TSPAN18: variants seen among roughly 807,000 people sequenced by gnomAD.
The protein encoded by TSPAN18 is tetraspanin 18, also known as tetraspanin-18.
TSPAN18 carries 14 observed loss-of-function variants against 27.3 expected under a neutral mutation model. That is an observed-to-expected ratio of 0.51 (90% CI 0.34 to 0.80). The LOEUF is 0.80. TSPAN18 is among the 30% of genes least tolerant of loss of function. The pLI is 0.01. For missense variants in TSPAN18, 268 were observed against 323.9 expected, an observed-to-expected ratio of 0.83 and a Z score of 1.32; for synonymous variants, 143 against 136.5, an observed-to-expected ratio of 1.05 and a Z score of -0.33.
chr11:44,734,472 A>G (rs10838348), intron 1 of TSPAN18, among the ~76,000 whole-genome samples: 102,446 of 152,196 alleles, frequency 0.67, 37,502 homozygotes, highest in Non-Finnish European at 0.84. Context: ...TGCCTGGCAC[A>G]TAGTAGGTGT....
intron 2 of TSPAN18, among the ~76,000 whole-genome samples, chr11:44,809,445 G>A (rs1363726819): frequency 1.3e-5 from 2 of 152,166 alleles, no homozygotes; most frequent in African/African-American, 4.8e-5. Flanking sequence ...TCACTTTCAG[G>A]GAAATTCACA....
At chr11:44,825,926 A>C (rs1256242738) in intron 2 of TSPAN18, among the ~76,000 whole-genome samples, 1 of 151,912 alleles carries the variant, frequency 6.6e-6, no homozygotes, top group African/African-American at 2.4e-5. Flanking sequence ...GTGGGTCCCC[A>C]CTCTGTCCTC....
chr11:44,758,886 G>T (rs1206939997), intron 1 of TSPAN18, among the ~76,000 whole-genome samples: 2 of 152,142 alleles, frequency 1.3e-5, no homozygotes, highest in Non-Finnish European at 2.9e-5. Flanking sequence ...CATGCTGGGG[G>T]CTCCTCATCT....
At chr11:44,791,935 A>G (rs1268119009) in intron 2 of TSPAN18, among the ~76,000 whole-genome samples, 2 of 152,166 alleles carry the variant, frequency 1.3e-5, no homozygotes, top group Non-Finnish European at 1.5e-5. Context: ...TGTTCATTCA[A>G]AAATACTTAT....
chr11:44,824,022 A>G (rs1856983630), intron 2 of TSPAN18, among the ~76,000 whole-genome samples: 1 of 152,186 alleles, frequency 6.6e-6, no homozygotes. Context: ...GGAATCGGCT[A>G]AAAAGCAAGG....
At chr11:44,895,333 G>C (rs1407697627) in intron 3 of TSPAN18, among the ~76,000 whole-genome samples, 4 of 152,228 alleles carry the variant, frequency 2.6e-5, no homozygotes, top group African/African-American at 9.7e-5. Flanking sequence ...CCATGGTACT[G>C]TGAATTCTTA....
intron 2 of TSPAN18, among the ~76,000 whole-genome samples, chr11:44,858,469 A>C (rs1298293134): frequency 6.6e-6 from 1 of 152,246 alleles, no homozygotes; most frequent in Non-Finnish European, 1.5e-5. Context: ...CCTTTCACAG[A>C]TGGAGAAACT....
At chr11:44,799,025 A>C (rs1260281953) in intron 2 of TSPAN18, among the ~76,000 whole-genome samples, 15 of 25,842 alleles carry the variant, frequency 5.8e-4, no homozygotes, top group South Asian at 2.3e-3. Context: ...TCTGCACCCC[A>C]CCCCCTCCCA....
intron 3 of TSPAN18, among the ~76,000 whole-genome samples, chr11:44,900,055 A>C (rs1007747978): frequency 1.3e-5 from 2 of 152,210 alleles, no homozygotes; most frequent in Non-Finnish European, 2.9e-5. Context: ...CTTTAGAAGT[A>C]AGTTAGGAAA....
At chr11:44,779,579 A>T (rs1855890608) in intron 2 of TSPAN18, among the ~76,000 whole-genome samples, 1 of 152,140 alleles carries the variant, frequency 6.6e-6, no homozygotes, top group Non-Finnish European at 1.5e-5. Context: ...GAAGACATGG[A>T]TGGCCTTCTA....
chr11:44,846,569 G>T (rs1221361883), intron 2 of TSPAN18, among the ~76,000 whole-genome samples: 2 of 150,674 alleles, frequency 1.3e-5, no homozygotes, highest in African/African-American at 4.9e-5. Context: ...TCTGCTCTGG[G>T]CTGGGCTCTT....
intron 8 of TSPAN18, among the ~76,000 whole-genome samples, chr11:44,920,617 C>T (rs957806205): frequency 6.6e-6 from 1 of 152,198 alleles, no homozygotes; most frequent in African/African-American, 2.4e-5. Context: ...TGCCCTTGCT[C>T]TTAATCCCCT....
At chr11:44,775,190 A>G (rs1051944905) in intron 2 of TSPAN18, among the ~76,000 whole-genome samples, 4 of 152,166 alleles carry the variant, frequency 2.6e-5, no homozygotes, top group Non-Finnish European at 4.4e-5. Context: ...CAATGACTCA[A>G]TTTTTAGCAT....
intron 3 of TSPAN18, chr11:44,903,913 G>C (rs1242270361): frequency 2.2e-6 from 1 of 456,228 alleles, no homozygotes; most frequent in Non-Finnish European, 4.4e-6. Flanking sequence ...GATAATAAGA[G>C]TATTAATCTC....
intron 2 of TSPAN18, among the ~76,000 whole-genome samples, chr11:44,772,592 C>T (rs941471141): frequency 4.6e-5 from 7 of 152,246 alleles, no homozygotes; most frequent in African/African-American, 1.4e-4. Context: ...TAAATAATCT[C>T]TAGTTTATTC....
chr11:44,853,990 C>T (rs1420633295), intron 2 of TSPAN18, among the ~76,000 whole-genome samples: 1 of 152,098 alleles, frequency 6.6e-6, no homozygotes, highest in Non-Finnish European at 1.5e-5. Context: ...ATTAGCAAAC[C>T]CTCGGCAATA....
At chr11:44,879,483 G>A (rs1474599839) in intron 3 of TSPAN18, among the ~76,000 whole-genome samples, 1 of 152,234 alleles carries the variant, frequency 6.6e-6, no homozygotes, top group Non-Finnish European at 1.5e-5. Context: ...CTTAGGGAAG[G>A]TCTCTGTCTT....
At chr11:44,848,227 C>T (rs1272866315) in intron 2 of TSPAN18, among the ~76,000 whole-genome samples, 1 of 152,078 alleles carries the variant, frequency 6.6e-6, no homozygotes, top group East Asian at 1.9e-4. Flanking sequence ...GCCTGGCTGA[C>T]CTTGCCCCTG....
intron 2 of TSPAN18, among the ~76,000 whole-genome samples, chr11:44,764,968 T>C (rs2134896132): frequency 6.6e-6 from 1 of 152,224 alleles, no homozygotes; most frequent in South Asian, 2.1e-4. Flanking sequence ...AATCCACAAG[T>C]ACTAGGATCA....
Sources: allele counts gnomAD v4.1 joint callset (sites outside exome capture counted in the v4.1 genomes callset), GRCh38; gene constraint gnomAD v4.1.1; transcripts MANE v1.5; gene names NCBI Gene and HGNC (gene_info 2026-07-23, HGNC 2026-07-21).